The following ERBB4 variants were observed in gnomAD, a reference collection of about 807,000 sequenced individuals.
ERBB4 encodes receptor tyrosine-protein kinase erbB-4.
In ERBB4, 42 loss-of-function variants were observed where a neutral mutation model predicts 158.0. That is an observed-to-expected ratio of 0.27 (90% CI 0.21 to 0.34). The LOEUF is 0.34. Ranked by LOEUF, ERBB4 falls within the 10% of genes least tolerant of loss-of-function variation. ERBB4 has a pLI of 1.00. For missense variants in ERBB4, 1,333 were observed against 1,624.1 expected (o/e 0.82, Z 3.08); for synonymous variants, 583 against 558.7 (o/e 1.04, Z -0.61).
intron 19 of ERBB4, among the ~76,000 whole-genome samples, chr2:211,581,933 C>T (rs542838408): frequency 1.3e-5 from 2 of 152,130 alleles, no homozygotes; most frequent in East Asian, 1.9e-4. Context: ...TCACTTGAAC[C>T]CAGGAGGCGG....
chr2:211,905,763 T>TATATATATATATATAC (rs566719974), intron 3 of ERBB4, among the ~76,000 whole-genome samples: 5 of 141,522 alleles, frequency 3.5e-5, no homozygotes, highest in Admixed American at 1.4e-4. Context: ...TATATATATA[T>TATATATATATATATAC]ACTATTATGT....
Position 211,705,347 on chromosome 2 carries a change from T to C in ERBB4, c.1169A>G (p.Asn390Ser). ...AIEAIDPEKL[N>S]VFRTVREITG... ...TATCTCTCTGACTGTCCGAAAGACG[T>C]TCAGTTTCTCTGGGTCTATGGCTTC... Residue 390 changes from asparagine to serine, a missense_variant, in exon 10 of 28, where the codon AAC (asparagine) becomes AGC (serine). By Grantham distance (46) the Asn-to-Ser change is conservative. This residue lies in a region of ERBB4 where 438 missense variants were observed against 586.9 expected (regional missense o/e 0.75). Transcript: ENST00000342788. 1 of 1,612,910 alleles carries C rather than the reference T, an allele frequency of 6.2e-7. No individual in the cohort carries two copies. Among genetic ancestry groups the C allele is most frequent in the Non-Finnish European group, 8.5e-7 (1 of 1,178,916 alleles).
chr2:212,212,422 A>G (rs2082964966), intron 1 of ERBB4, among the ~76,000 whole-genome samples: 1 of 152,122 alleles, frequency 6.6e-6, no homozygotes, highest in Admixed American at 6.6e-5. Flanking sequence ...AAGGACGCAG[A>G]CAAATGGAAA....
At chr2:211,425,755 C>T (rs1465933390) in intron 22 of ERBB4, among the ~76,000 whole-genome samples, 3 of 152,204 alleles carry the variant, frequency 2.0e-5, no homozygotes, top group South Asian at 4.1e-4. Flanking sequence ...GATCACAGCT[C>T]ACTGCACCCT....
chr2:211,724,190 T>G (rs2074190900), intron 6 of ERBB4, among the ~76,000 whole-genome samples: 2 of 152,172 alleles, frequency 1.3e-5, no homozygotes, highest in African/African-American at 2.4e-5. Flanking sequence ...CCTTTTCTTC[T>G]TCCTCCCTAT....
intron 1 of ERBB4, among the ~76,000 whole-genome samples, chr2:212,376,052 A>G (rs1448292069): frequency 6.6e-6 from 1 of 152,040 alleles, no homozygotes. Flanking sequence ...ATGAAGACCA[A>G]TGATTGACAG....
chr2:211,863,843 G>A (rs573600391), intron 3 of ERBB4, among the ~76,000 whole-genome samples: 1 of 152,280 alleles, frequency 6.6e-6, no homozygotes, highest in East Asian at 1.9e-4. Flanking sequence ...GAACCTATAG[G>A]GGTCTAACAT....
Position 212,286,767 on chromosome 2 carries a change from ATTTTTTT to A in ERBB4, c.83-161871_83-161865del, listed in dbSNP as rs748586400. The stretch of plus-strand genomic sequence containing the variant: ...TAGGCGGGTGGCACCATGAGGGTTA[ATTTTTTT>A]TTTTTTTTTTTTTTTTGTAGAGACG... On this transcript the variant is annotated intron_variant, in intron 1 of 27. Coordinates refer to ENST00000342788, the MANE Select transcript of ERBB4 (RefSeq NM_005235.3). Among the ~76,000 whole-genome samples the A allele has an allele frequency of 1.1e-3, 44 of 39,562 alleles. 1 individual carries two copies. Among genetic ancestry groups the A allele is most frequent in the South Asian group, 8.2e-3 (5 of 608 alleles). 26.0% of individuals were successfully genotyped at this position (39,562 alleles called of 152,430 possible). A position where few individuals can be genotyped will look rare whatever the true frequency, so the allele number is the denominator to read the frequency against.
chr2:211,656,878 A>G (rs537511878), intron 16 of ERBB4, among the ~76,000 whole-genome samples: 21 of 152,334 alleles, frequency 1.4e-4, no homozygotes, highest in South Asian at 1.2e-3. Flanking sequence ...ACATTTGAGT[A>G]GTTTCCAATT....
intron 1 of ERBB4, among the ~76,000 whole-genome samples, chr2:212,316,923 T>A (rs1382427164): frequency 6.6e-6 from 1 of 151,572 alleles, no homozygotes. Flanking sequence ...TAATCTATTT[T>A]ATGTACTCAG....
chr2:211,887,579 T>C (rs1305306176), intron 3 of ERBB4, among the ~76,000 whole-genome samples: 1 of 152,240 alleles, frequency 6.6e-6, no homozygotes, highest in Non-Finnish European at 1.5e-5. Flanking sequence ...TTTTTCCTAA[T>C]ATTACTTTCT....
chr2:211,628,362 C>T (rs1489500818), intron 17 of ERBB4, among the ~76,000 whole-genome samples: 2 of 152,114 alleles, frequency 1.3e-5, no homozygotes, highest in Non-Finnish European at 2.9e-5. Flanking sequence ...TGTTCCCCTT[C>T]CTGTGTCCAT....
chr2:211,998,157 C>T (rs2076011831), intron 2 of ERBB4, among the ~76,000 whole-genome samples: 1 of 151,800 alleles, frequency 6.6e-6, no homozygotes, highest in African/African-American at 2.4e-5. Context: ...ACATTGTGCA[C>T]ATGTACCCTA....
chr2:211,472,133 TAGAC>T (rs1270698583), intron 20 of ERBB4, among the ~76,000 whole-genome samples: 3 of 151,880 alleles, frequency 2.0e-5, no homozygotes, highest in Non-Finnish European at 4.4e-5. Context: ...AGGCTAGAGG[TAGAC>T]AGACAAGTGT....
rs182751643 is a variant in ERBB4 at position 212,208,228 on chromosome 2, C to T, written c.83-83325G>A. ...GCCTTAGGGTCCTGTTTGCCCTGGA[C>T]TGTGCTTCCCTCTTACGCCTGCAAG... On this transcript the variant is annotated intron_variant, in intron 1 of 27. Coordinates refer to ENST00000342788, the MANE Select transcript of ERBB4 (RefSeq NM_005235.3). 5.9e-5 allele frequency among the ~76,000 whole-genome samples: 9 copies of T among 152,288 alleles called. No individual in the cohort carries two copies. In the East Asian group the frequency reaches 1.7e-3, roughly 29 times the overall value.
intron 1 of ERBB4, among the ~76,000 whole-genome samples, chr2:212,336,973 T>C (rs1340126860): frequency 6.6e-6 from 1 of 152,140 alleles, no homozygotes; most frequent in East Asian, 1.9e-4. Flanking sequence ...GGATCTCATT[T>C]TGAGTAGCAA....
intron 2 of ERBB4, among the ~76,000 whole-genome samples, chr2:211,972,301 T>A (rs1009873951): frequency 6.6e-6 from 1 of 152,150 alleles, no homozygotes; most frequent in African/African-American, 2.4e-5. Context: ...ATAGGAAGAA[T>A]CAATATCATT....
intron 3 of ERBB4, among the ~76,000 whole-genome samples, chr2:211,877,882 C>G (rs1023921830): frequency 2.0e-4 from 31 of 152,016 alleles, no homozygotes; most frequent in African/African-American, 7.2e-4. Flanking sequence ...CCGAGGCGGG[C>G]GGGTCACCTG....
intron 2 of ERBB4, among the ~76,000 whole-genome samples, chr2:211,999,736 T>C (rs558196257): frequency 1.3e-5 from 2 of 151,884 alleles, no homozygotes; most frequent in South Asian, 2.1e-4. Context: ...CTGTCTATAA[T>C]TTTTGTGTGT....
Sources: gnomAD v4.1 joint callset for allele counts (sites outside exome capture counted in the v4.1 genomes callset) on GRCh38, gnomAD v4.1.1 for gene constraint, gnomAD v4.1.1 regional missense constraint, MANE v1.5 for transcripts, NCBI Gene and HGNC (gene_info 2026-07-23, HGNC 2026-07-21) for gene names.